Variants in RBFOX3 observed in about 807,000 individuals in gnomAD.
RBFOX3 encodes RNA binding fox-1 homolog 3.
RBFOX3 carries 17 observed loss-of-function variants against 48.7 expected under a neutral mutation model. The ratio of observed to expected loss-of-function variants is 0.35; its 90% CI spans 0.24 to 0.52. The LOEUF (loss-of-function observed/expected upper bound fraction) is 0.52, where lower values mean the gene tolerates loss of function less well. RBFOX3 is among the 20% of genes least tolerant of loss of function. The pLI is 0.94. For missense variants in RBFOX3, 382 were observed against 497.5 expected, an observed-to-expected ratio of 0.77 and a Z score of 2.21; for synonymous variants, 212 against 209.5, an observed-to-expected ratio of 1.01 and a Z score of -0.10.
At position 79,363,762 on chromosome 17, in the gene RBFOX3, C is replaced by T. The variant is rs1029467071; in HGVS notation, c.-174-55938G>A. On this transcript the variant is annotated intron_variant, in intron 2 of 14. Coordinates refer to ENST00000693108, the MANE Select transcript of RBFOX3 (RefSeq NM_001350451.2). The surrounding 1 kb of genome is among the most constrained non-coding windows in gnomAD (Gnocchi z 4.7). ...CTCCAGCCTCCATGCTCAGCCCGTC[C>T]GCCCCCCAGCAGCCTGGGTCTGACT... Among the ~76,000 whole-genome samples the T allele has an allele frequency of 2.0e-5, 3 of 152,118 alleles. No individual in the cohort carries two copies. The highest frequency in any genetic ancestry group is 2.1e-4 in the South Asian group (1 of 4,826).
At position 79,348,800 on chromosome 17, in the gene RBFOX3, C is replaced by T. The variant is rs111331472; in HGVS notation, c.-174-40976G>A. Among the ~76,000 whole-genome samples, 453 of 151,688 alleles carry T rather than the reference C, an allele frequency of 3.0e-3. 2 individuals are homozygous for T. Among genetic ancestry groups the T allele is most frequent in the Admixed American group, 4.7e-3 (72 of 15,232 alleles). On this transcript the variant is annotated intron_variant, in intron 2 of 14. Coordinates refer to ENST00000693108, the MANE Select transcript of RBFOX3 (RefSeq NM_001350451.2). ...TCACCATGTTGGCCAGGTTGGTCTC[C>T]AACTCCTGACCTCAGGTGATCCACC...
chr17:79,546,686 T>TTTTC (rs1411139293), intron 1 of RBFOX3, among the ~76,000 whole-genome samples: 3 of 150,610 alleles, frequency 2.0e-5, no homozygotes, highest in African/African-American at 7.4e-5. Context: ...TTTTTTTTTT[T>TTTTC]TGAGACACGG....
chr17:79,375,130 C>T (rs868138893), intron 2 of RBFOX3, among the ~76,000 whole-genome samples: 6 of 152,190 alleles, frequency 3.9e-5, no homozygotes, highest in African/African-American at 1.4e-4. Flanking sequence ...GTGACATCCC[C>T]GGGAGCAGGA....
At chr17:79,230,451 G>T (rs1020768437) in intron 4 of RBFOX3, among the ~76,000 whole-genome samples, 2 of 151,666 alleles carry the variant, frequency 1.3e-5, no homozygotes, top group African/African-American at 4.8e-5. Flanking sequence ...AGTAGAGATG[G>T]GGTTTCACCA....
At position 79,199,688 on chromosome 17, in the gene RBFOX3, T is replaced by C. The variant is rs189823431; in HGVS notation, c.-34+36078A>G. On this transcript the variant is annotated intron_variant, in intron 4 of 14. Transcript: ENST00000693108. This position sits in a 1 kb window ranked among gnomAD's most constrained non-coding sequence, Gnocchi z 5.1. ...GTCCCTTTGTTGCATGAGCTTCATT[T>C]CCAAGAGTCACACATGGCTCCTGGT... Among the ~76,000 whole-genome samples, 483 of 152,310 alleles carry C rather than the reference T, an allele frequency of 3.2e-3. 3 individuals carry two copies. The highest frequency in any genetic ancestry group is 0.011 in the African/African-American group (462 of 41,564).
chr17:79,580,059 C>T (rs945813408), intron 1 of RBFOX3, among the ~76,000 whole-genome samples: 10 of 151,988 alleles, frequency 6.6e-5, no homozygotes, highest in African/African-American at 2.2e-4. Context: ...CTGGTCCCTC[C>T]GAGGTAACTG....
rs866751069 is a variant in RBFOX3, at chr17:79,277,389, C to T, written c.-74+30335G>A. On this transcript the variant is annotated intron_variant, in intron 3 of 14. Transcript: ENST00000693108. The stretch of plus-strand genomic sequence containing the variant: ...AATTGAGTTTAATATTTAATACAAT[C>T]AGGTTAATACACATTCCAAACTCCA... Among the ~76,000 whole-genome samples the T allele has an allele frequency of 4.8e-4, 73 of 152,182 alleles. 1 individual carries two copies. The Middle Eastern group carries it at 0.014, about 28-fold the overall frequency.
At chr17:79,488,985 T>G (rs2149567166) in intron 1 of RBFOX3, among the ~76,000 whole-genome samples, 1 of 152,192 alleles carries the variant, frequency 6.6e-6, no homozygotes, top group Admixed American at 6.5e-5. Context: ...AGAAATCAAG[T>G]TTGGGTTTTT....
intron 2 of RBFOX3, among the ~76,000 whole-genome samples, chr17:79,357,335 A>T (rs1568103110): frequency 6.6e-6 from 1 of 151,948 alleles, no homozygotes; most frequent in Non-Finnish European, 1.5e-5. Context: ...TGTTTAAAAA[A>T]CTCTGAAAGA....
chr17:79,348,935 G>A (rs565596955), intron 2 of RBFOX3, among the ~76,000 whole-genome samples: 99 of 151,792 alleles, frequency 6.5e-4, no homozygotes, highest in African/African-American at 2.3e-3. Context: ...TCCACTCTCC[G>A]AGAAACCCTG....
chr17:79,414,064 G>A (rs529006766), intron 2 of RBFOX3, among the ~76,000 whole-genome samples: 1 of 152,216 alleles, frequency 6.6e-6, no homozygotes, highest in South Asian at 2.1e-4. Context: ...CTCCCCACCA[G>A]CTCGGCTGGC....
At chr17:79,661,173 G>A in the RBFOX3 span, among the ~76,000 whole-genome samples, 1 of 152,116 alleles carries the variant, frequency 6.6e-6, no homozygotes. Flanking sequence ...TGGATTCTGG[G>A]CTTAATACTT....
At chr17:79,617,033 C>T in the RBFOX3 span, among the ~76,000 whole-genome samples, 16 of 152,198 alleles carry the variant, frequency 1.1e-4, no homozygotes, top group African/African-American at 3.4e-4. Flanking sequence ...GCTGGCTCTC[C>T]GCTCTTCACT....
intron 2 of RBFOX3, among the ~76,000 whole-genome samples, chr17:79,317,851 C>T (rs561822317): frequency 5.3e-5 from 8 of 152,246 alleles, no homozygotes; most frequent in African/African-American, 1.9e-4. Context: ...CAAAGAGATT[C>T]GATCTGGCTG....
chr17:79,293,882 G>A (rs770449746), intron 3 of RBFOX3, among the ~76,000 whole-genome samples: 8 of 152,180 alleles, frequency 5.3e-5, no homozygotes, highest in African/African-American at 1.9e-4. Context: ...GAGGCTGTCA[G>A]GGACTCATTC....
In RBFOX3 at chr17:79,481,888, A is replaced by G. The variant is rs983158939; in HGVS notation, c.-175+566T>C. Among the ~76,000 whole-genome samples, 19 of 152,338 alleles carry G rather than the reference A, an allele frequency of 1.2e-4. No homozygotes were observed. The highest frequency in any genetic ancestry group is 5.9e-4 in the Admixed American group (9 of 15,306). ...AGTGCAGGTGACCCTGGCAGCTTGC[A>G]TTCGAAGTGAGAGCCATCTTACAGA... is the stretch of plus-strand genomic sequence containing the variant. On this transcript the variant is annotated intron_variant, in intron 2 of 14. Coordinates refer to ENST00000693108, the MANE Select transcript of RBFOX3 (RefSeq NM_001350451.2). The surrounding 1 kb of genome is among the most constrained non-coding windows in gnomAD (Gnocchi z 5.4).
intron 2 of RBFOX3, among the ~76,000 whole-genome samples, chr17:79,475,014 A>G (rs541028288): frequency 3.6e-4 from 55 of 151,966 alleles, no homozygotes; most frequent in Non-Finnish European, 2.6e-4. Flanking sequence ...GCAGAGCAAG[A>G]CTCCAGTTTC....
rs922882887 is a variant in RBFOX3 at position 79,509,099 on chromosome 17, C to A, written c.-319-26501G>T. Reference sequence around the variant, plus strand: ...ACAGCGTTCCAGCTGGTTCTTTGGCCGGTCTGAATGACCCAGCCCCAGGGC... The same window carrying A: ...ACAGCGTTCCAGCTGGTTCTTTGGCAGGTCTGAATGACCCAGCCCCAGGGC... On this transcript the variant is annotated intron_variant, in intron 1 of 14. Coordinates refer to ENST00000693108, the MANE Select transcript of RBFOX3 (RefSeq NM_001350451.2). Among the ~76,000 whole-genome samples, 522 of 151,750 alleles carry A rather than the reference C, an allele frequency of 3.4e-3. 7 individuals are homozygous for A. Among genetic ancestry groups the A allele is most frequent in the Admixed American group, 0.029 (445 of 15,256 alleles).
chr17:79,631,738 GA>G, the RBFOX3 span, among the ~76,000 whole-genome samples: 36 of 152,328 alleles, frequency 2.4e-4, no homozygotes, highest in South Asian at 7.3e-3. Flanking sequence ...GCGGGGGCCA[GA>G]AGATGGAGAA....
Sources: gnomAD v4.1 joint callset for allele counts (sites outside exome capture counted in the v4.1 genomes callset) on GRCh38, gnomAD v4.1.1 for gene constraint, Gnocchi (gnomAD v3.1) non-coding constraint, MANE v1.5 for transcripts, NCBI Gene and HGNC (gene_info 2026-07-23, HGNC 2026-07-21) for gene names.